WWP2: variants seen among roughly 807,000 people sequenced by gnomAD.
WWP2 encodes NEDD4-like E3 ubiquitin-protein ligase WWP2.
WWP2 carries 57 observed loss-of-function variants against 121.0 expected under a neutral mutation model. The ratio of observed to expected loss-of-function variants is 0.47; its 90% CI spans 0.38 to 0.59. The LOEUF (loss-of-function observed/expected upper bound fraction) is 0.59. Among genes scored for constraint, WWP2 ranks in the 20% least tolerant of loss-of-function variants. The pLI is 0.00. For synonymous variants in WWP2, 449 were observed against 441.3 expected (o/e 1.02, Z -0.22); for missense variants, 962 against 1,158.9 (o/e 0.83, Z 2.47).
chr16:69,808,304 A>G (rs1475867631), intron 4 of WWP2, among the ~76,000 whole-genome samples: 1 of 151,164 alleles, frequency 6.6e-6, no homozygotes, highest in Non-Finnish European at 1.5e-5. Flanking sequence ...GGATCTCGCT[A>G]TATTGCCCAG....
intron 1 of WWP2, among the ~76,000 whole-genome samples, chr16:69,783,676 T>A (rs905175416): frequency 2.6e-5 from 4 of 152,092 alleles, no homozygotes; most frequent in African/African-American, 4.8e-5. Context: ...CCAGGCTTGG[T>A]GGCTCATGCT....
chr16:69,883,729 C>T (rs768431903), intron 7 of WWP2, among the ~76,000 whole-genome samples: 2 of 152,074 alleles, frequency 1.3e-5, no homozygotes, highest in Non-Finnish European at 2.9e-5. Context: ...CCTCCCCGCA[C>T]CCCACCCTGC....
chr16:69,824,147 C>T (rs2056642213), intron 4 of WWP2, among the ~76,000 whole-genome samples: 1 of 152,260 alleles, frequency 6.6e-6, no homozygotes, highest in Admixed American at 6.5e-5. Context: ...CCGTCCATTC[C>T]AGCCTCCCAG....
chr16:69,910,776 A>T (rs1255438509), intron 9 of WWP2, among the ~76,000 whole-genome samples: 1 of 152,156 alleles, frequency 6.6e-6, no homozygotes, highest in Admixed American at 6.5e-5. Flanking sequence ...GAGCATTTGC[A>T]TGGAATTTAA....
intron 4 of WWP2, among the ~76,000 whole-genome samples, chr16:69,838,321 A>T (rs923514495): frequency 6.6e-6 from 1 of 152,064 alleles, no homozygotes; most frequent in African/African-American, 2.4e-5. Flanking sequence ...CAGGGACTAG[A>T]ACTGTGAATT....
intron 1 of WWP2, among the ~76,000 whole-genome samples, chr16:69,773,826 AT>A (rs971354162): frequency 3.9e-5 from 6 of 151,976 alleles, no homozygotes; most frequent in Admixed American, 2.6e-4. Context: ...AATTTTTTGC[AT>A]TTTTTTAGTT....
In WWP2 at chr16:69,925,505, C is replaced by G; in HGVS notation, c.1234+21C>G. 1 of 1,613,032 alleles carries G rather than the reference C, an allele frequency of 6.2e-7. No homozygotes were observed. Among genetic ancestry groups the G allele is most frequent in the Non-Finnish European group, 8.5e-7 (1 of 1,179,590 alleles). ...CTGGGGTAAGTACTGAGTTCTCTTC[C>G]TGGCCCTTGGCCTTCCGTCAGCCAC... On this transcript the variant is annotated intron_variant, in intron 11 of 23. Coordinates refer to ENST00000359154, the MANE Select transcript of WWP2 (RefSeq NM_001270454.2). The surrounding 1 kb of genome is among the most constrained non-coding windows in gnomAD (Gnocchi z 4.0).
At chr16:69,814,379 T>G (rs1303608625) in intron 4 of WWP2, among the ~76,000 whole-genome samples, 1 of 152,074 alleles carries the variant, frequency 6.6e-6, no homozygotes, top group Non-Finnish European at 1.5e-5. Context: ...CCAATCCAAT[T>G]CCAACTCAGC....
chr16:69,805,951 C>T (rs1441843231), intron 4 of WWP2, among the ~76,000 whole-genome samples: 1 of 151,860 alleles, frequency 6.6e-6, no homozygotes, highest in Non-Finnish European at 1.5e-5. Flanking sequence ...AATCTCAGCA[C>T]TTTGAGAGGC....
At chr16:69,857,476 T>C (rs556528337) in intron 6 of WWP2, among the ~76,000 whole-genome samples, 7 of 152,194 alleles carry the variant, frequency 4.6e-5, no homozygotes, top group African/African-American at 1.7e-4. Flanking sequence ...TCCCTGACTA[T>C]TTGATAATGG....
At chr16:69,842,857 T>A (rs989807328) in intron 6 of WWP2, among the ~76,000 whole-genome samples, 1 of 152,032 alleles carries the variant, frequency 6.6e-6, no homozygotes, top group Non-Finnish European at 1.5e-5. Flanking sequence ...TTTGTAGAGA[T>A]AGGGTTTTAC....
At chr16:69,842,861 G>GT (rs2057004511) in intron 6 of WWP2, among the ~76,000 whole-genome samples, 1 of 152,030 alleles carries the variant, frequency 6.6e-6, no homozygotes, top group Admixed American at 6.6e-5. Flanking sequence ...TAGAGATAGG[G>GT]TTTTACCATG....
At chr16:69,815,143 C>T (rs1166765485) in intron 4 of WWP2, among the ~76,000 whole-genome samples, 8 of 152,076 alleles carry the variant, frequency 5.3e-5, no homozygotes, top group African/African-American at 1.4e-4. Flanking sequence ...GCTGAGATTA[C>T]AGGCATGAGC....
intron 1 of WWP2, among the ~76,000 whole-genome samples, chr16:69,772,561 T>A (rs763671638): frequency 3.9e-5 from 6 of 152,172 alleles, no homozygotes; most frequent in Admixed American, 1.3e-4. Flanking sequence ...AGGCAGTGTG[T>A]CCCTAGTAGC....
At chr16:69,869,361 T>G (rs1349916840) in intron 6 of WWP2, among the ~76,000 whole-genome samples, 2 of 151,730 alleles carry the variant, frequency 1.3e-5, no homozygotes, top group Non-Finnish European at 2.9e-5. Flanking sequence ...TTTTTTTTTT[T>G]GTTGGGGATT....
chr16:69,789,118 C>T lies in WWP2; in HGVS notation c.70+2038C>T, dbSNP rs187157209. On this transcript the variant is annotated intron_variant, in intron 2 of 23. Transcript: ENST00000359154. ...TGTCGCCCAGGCTGGACTGCAGTGG[C>T]GCTGTCTCGGCTCACTGCAATTTCT... 2.2e-3 allele frequency among the ~76,000 whole-genome samples: 342 copies of T among 152,094 alleles called. 2 individuals are homozygous for T. The highest frequency in any genetic ancestry group is 5.6e-3 in the South Asian group (27 of 4,810).
chr16:69,840,267 AGT>A lies in WWP2; in HGVS notation c.478+6_478+7del, dbSNP rs1241146982. 6.3e-7 allele frequency: 1 copy of A among 1,594,312 alleles called. No homozygotes were observed. The highest frequency in any genetic ancestry group is 8.6e-7 in the Non-Finnish European group (1 of 1,167,580). On this transcript the variant is annotated splice_donor_5th_base_variant and intron_variant, in intron 5 of 23. Transcript: ENST00000359154. ...AATGGCAGTGCCCTGACAGATGGTGAGTGCCGCCCTGCTCCTCAGGACTGTGC... is the reference window on the plus strand; with the variant it reads ...AATGGCAGTGCCCTGACAGATGGTGAGCCGCCCTGCTCCTCAGGACTGTGC...
Position 69,842,004 on chromosome 16 carries a change from TG to T in WWP2, c.479-19del. ...GCTCCTCAATGCTTCTGTCTTTTCT[TG>T]TGATTGATTCCTTTCTAGGATCACA... On this transcript the variant is annotated intron_variant, in intron 5 of 23. Coordinates refer to ENST00000359154, the MANE Select transcript of WWP2 (RefSeq NM_001270454.2). 6.2e-7 allele frequency: 1 copy of T among 1,606,920 alleles called. No homozygotes were observed. Among genetic ancestry groups the T allele is most frequent in the East Asian group, 2.2e-5 (1 of 44,794 alleles).
chr16:69,785,566 A>G (rs1428375233), intron 1 of WWP2, among the ~76,000 whole-genome samples: 1 of 152,154 alleles, frequency 6.6e-6, no homozygotes. Context: ...AGTACAAGAT[A>G]GACTTGCTTC....
Sources: gnomAD v4.1 joint callset for allele counts (sites outside exome capture counted in the v4.1 genomes callset) on GRCh38, gnomAD v4.1.1 for gene constraint, Gnocchi (gnomAD v3.1) non-coding constraint, MANE v1.5 for transcripts, NCBI Gene and HGNC (gene_info 2026-07-23, HGNC 2026-07-21) for gene names.